COA1: variants seen among roughly 807,000 people sequenced by gnomAD.
COA1 encodes cytochrome c oxidase assembly factor 1 homolog.
In COA1, 13 loss-of-function variants were observed where a neutral mutation model predicts 16.0. The ratio of observed to expected loss-of-function variants is 0.81; its 90% CI spans 0.53 to 1.29. COA1 has a LOEUF of 1.29. Among genes scored for constraint, COA1 ranks in the 50% most tolerant of loss-of-function variants. The pLI, the probability that COA1 is intolerant of heterozygous loss-of-function variation, is 0.00. For synonymous variants in COA1, 65 were observed against 65.7 expected, an observed-to-expected ratio of 0.99 and a Z score of 0.05; for missense variants, 179 against 177.0, an observed-to-expected ratio of 1.01 and a Z score of -0.06.
chr7:43,691,128 T>C (rs898824862), intron 1 of COA1, among the ~76,000 whole-genome samples: 2 of 147,798 alleles, frequency 1.4e-5, no homozygotes, highest in Non-Finnish European at 3.0e-5. Context: ...CTATATATAG[T>C]CCAGCTACTC....
intron 4 of COA1, among the ~76,000 whole-genome samples, chr7:43,644,761 G>GATA (rs59592633): frequency 0.034 from 3,072 of 89,410 alleles, 49 homozygotes; most frequent in Middle Eastern, 0.043. Flanking sequence ...TAGATAGATA[G>GATA]GCAGGCAGGC....
intron 1 of COA1, among the ~76,000 whole-genome samples, chr7:43,716,003 C>T (rs180685519): frequency 3.9e-4 from 60 of 152,294 alleles, no homozygotes; most frequent in African/African-American, 1.4e-3. Context: ...GGACTTGCTC[C>T]TCCTTGCCTT....
Position 43,672,974 on chromosome 7 carries a change from T to C in COA1, c.-38-24322A>G, listed in dbSNP as rs145447518. Among the ~76,000 whole-genome samples, 102 of 152,206 alleles carry C rather than the reference T, an allele frequency of 6.7e-4. No individual in the cohort carries two copies. The Middle Eastern group carries it at 0.01, about 15-fold the overall frequency. Reference sequence around the variant, plus strand: ...TAATGGGCTAGCCATATACAGAAGATTGAAACTGGACTCCTTCCTTACACC... The same window carrying C: ...TAATGGGCTAGCCATATACAGAAGACTGAAACTGGACTCCTTCCTTACACC... On this transcript the variant is annotated intron_variant, in intron 1 of 5. Transcript: ENST00000223336.
intron 1 of COA1, among the ~76,000 whole-genome samples, chr7:43,664,103 AAGAGAG>A (rs141990456): frequency 0.012 from 1,595 of 135,166 alleles, 39 homozygotes; most frequent in Non-Finnish European, 0.012. Flanking sequence ...TGTCTTTAGA[AAGAGAG>A]AGAGAGAGAG....
chr7:43,628,844 T>C (rs1402251579), intron 6 of COA1, among the ~76,000 whole-genome samples: 2 of 152,244 alleles, frequency 1.3e-5, no homozygotes, highest in Non-Finnish European at 2.9e-5. Flanking sequence ...TATCTGTTGA[T>C]GAGAAGAAGG....
chr7:43,723,957 T>C (rs2095560225), intron 1 of COA1, among the ~76,000 whole-genome samples: 2 of 152,034 alleles, frequency 1.3e-5, no homozygotes, highest in Non-Finnish European at 2.9e-5. Flanking sequence ...TCTTGGATCA[T>C]AGAGATGTTT....
At chr7:43,663,895 G>A (rs2092676781) in intron 1 of COA1, among the ~76,000 whole-genome samples, 1 of 151,922 alleles carries the variant, frequency 6.6e-6, no homozygotes. Context: ...CAGATGGCTT[G>A]AGCTCAGGAG....
chr7:43,660,219 G>C (rs891714635), intron 1 of COA1, among the ~76,000 whole-genome samples: 4 of 152,028 alleles, frequency 2.6e-5, no homozygotes, highest in Admixed American at 6.5e-5. Flanking sequence ...CATGAATCTA[G>C]GTCTACTAAA....
At chr7:43,619,553 A>C (rs1387809804) in intron 6 of COA1, 1 of 1,597,564 alleles carries the variant, frequency 6.3e-7, no homozygotes, top group Non-Finnish European at 8.5e-7. Context: ...TTGTGTACTT[A>C]ATCATAGTTA....
At chr7:43,714,081 C>T (rs2095328317) in intron 1 of COA1, among the ~76,000 whole-genome samples, 1 of 152,070 alleles carries the variant, frequency 6.6e-6, no homozygotes, top group African/African-American at 2.4e-5. Flanking sequence ...CCAATAGTCC[C>T]AGCTACTCAG....
At chr7:43,684,441 G>A (rs2093920389) in intron 1 of COA1, among the ~76,000 whole-genome samples, 1 of 152,044 alleles carries the variant, frequency 6.6e-6, no homozygotes, top group Non-Finnish European at 1.5e-5. Flanking sequence ...CATCATACAT[G>A]GCAGCACAGA....
intron 1 of COA1, among the ~76,000 whole-genome samples, chr7:43,676,541 G>T (rs144984019): frequency 6.6e-6 from 1 of 152,264 alleles, no homozygotes; most frequent in East Asian, 1.9e-4. Context: ...GCTAAAAAAA[G>T]TTGATCTCAT....
chr7:43,616,713 C>T (rs185725491), intron 6 of COA1, among the ~76,000 whole-genome samples: 4 of 152,080 alleles, frequency 2.6e-5, no homozygotes, highest in African/African-American at 7.2e-5. Flanking sequence ...CTGGCTAACA[C>T]GGTGAAACCC....
At chr7:43,651,705 A>C (rs1182948316) in intron 1 of COA1, among the ~76,000 whole-genome samples, 2 of 143,366 alleles carry the variant, frequency 1.4e-5, no homozygotes, top group Admixed American at 7.1e-5. Flanking sequence ...AAAAAAAAAA[A>C]AAAAAAACAG....
At chr7:43,618,782 C>T (rs984168632) in intron 6 of COA1, among the ~76,000 whole-genome samples, 1 of 152,094 alleles carries the variant, frequency 6.6e-6, no homozygotes, top group Admixed American at 6.6e-5. Context: ...AGCTCTTTCC[C>T]ATTACTGTAC....
chr7:43,644,746 A>G (rs144004580), intron 4 of COA1, among the ~76,000 whole-genome samples: 4 of 91,196 alleles, frequency 4.4e-5, no homozygotes, highest in South Asian at 3.2e-4. Flanking sequence ...AGATAGATAG[A>G]TAGATAGATA....
chr7:43,699,132 A>C (rs3807518), intron 1 of COA1, among the ~76,000 whole-genome samples: 16,901 of 152,096 alleles, frequency 0.11, 1,056 homozygotes, highest in Admixed American at 0.19. Flanking sequence ...GTGGGAGGTA[A>C]AGACATTAAT....
At chr7:43,718,910 A>G (rs1375761971) in intron 1 of COA1, among the ~76,000 whole-genome samples, 3 of 151,692 alleles carry the variant, frequency 2.0e-5, no homozygotes, top group Admixed American at 1.3e-4. Flanking sequence ...TTTTTACTGC[A>G]GTTTTAATGG....
intron 6 of COA1, chr7:43,622,293 A>G (rs2083978624): frequency 6.6e-6 from 1 of 152,178 alleles, no homozygotes; most frequent in Non-Finnish European, 1.5e-5. Context: ...CATTTCAGAA[A>G]TCAAAATTTA....
Sources: allele counts gnomAD v4.1 joint callset (sites outside exome capture counted in the v4.1 genomes callset), GRCh38; gene constraint gnomAD v4.1.1; transcripts MANE v1.5; gene names NCBI Gene and HGNC (gene_info 2026-07-23, HGNC 2026-07-21).